BMP5: variants seen among roughly 807,000 people sequenced by gnomAD.
BMP5 encodes bone morphogenetic protein 5.
BMP5 carries 23 observed loss-of-function variants against 46.6 expected under a neutral mutation model. That is an observed-to-expected ratio of 0.49 (90% CI 0.35 to 0.70). The LOEUF (loss-of-function observed/expected upper bound fraction) is 0.70. Ranked by LOEUF, BMP5 falls within the 30% of genes least tolerant of loss-of-function variation. The pLI, the probability that BMP5 is intolerant of heterozygous loss-of-function variation, is 0.00. For missense variants in BMP5, 545 were observed against 565.6 expected, an observed-to-expected ratio of 0.96 and a Z score of 0.37; for synonymous variants, 204 against 191.9, an observed-to-expected ratio of 1.06 and a Z score of -0.52.
intron 2 of BMP5, among the ~76,000 whole-genome samples, chr6:55,812,951 A>G (rs1263558991): frequency 6.6e-6 from 1 of 152,196 alleles, no homozygotes; most frequent in Non-Finnish European, 1.5e-5. Context: ...TGTGGTAACT[A>G]TTTTCCAAAA....
chr6:55,847,059 A>T (rs914114336), intron 1 of BMP5, among the ~76,000 whole-genome samples: 1 of 151,796 alleles, frequency 6.6e-6, no homozygotes, highest in Non-Finnish European at 1.5e-5. Context: ...CAAACATTGT[A>T]TACCCTCTAT....
At chr6:55,788,369 TATCA>T (rs1204176902) in intron 3 of BMP5, among the ~76,000 whole-genome samples, 7 of 151,844 alleles carry the variant, frequency 4.6e-5, no homozygotes, top group Non-Finnish European at 7.4e-5. Context: ...GTAATTATTT[TATCA>T]ATCAATGTTA....
chr6:55,819,870 G>A (rs746627118), intron 1 of BMP5, 23 bp from the exon 2 acceptor site: 1 of 1,597,142 alleles, frequency 6.3e-7, no homozygotes, highest in Non-Finnish European at 8.6e-7. Flanking sequence ...AGGGGGTTGA[G>A]GGGGAAAAAA....
In BMP5 at chr6:55,755,649, G is replaced by A; in HGVS notation, c.1249C>T (p.Pro417Ser). ...HLMFPDHVPK[P>S]CCAPTKLNAI... ...TTTAATTTGGTTGGAGCACAACAAG[G>A]CTTTGGTACGTGGTCAGGAAACATC... Residue 417 changes from proline (P) to serine (S), a missense_variant, in exon 7 of 7, where the codon CCT (proline) becomes TCT (serine). Coordinates refer to ENST00000370830, the MANE Select transcript of BMP5 (RefSeq NM_021073.4). 6.2e-7 allele frequency: 1 copy of A among 1,612,382 alleles called. No homozygotes were observed. Among genetic ancestry groups the A allele is most frequent in the Non-Finnish European group, 8.5e-7 (1 of 1,178,868 alleles).
chr6:55,849,365 A>G (rs957064311), intron 1 of BMP5, among the ~76,000 whole-genome samples: 4 of 152,112 alleles, frequency 2.6e-5, no homozygotes, highest in African/African-American at 9.7e-5. Context: ...ACATGTGCAC[A>G]CATATACCAG....
intron 1 of BMP5, among the ~76,000 whole-genome samples, chr6:55,843,725 C>G (rs1777023836): frequency 6.6e-6 from 1 of 151,990 alleles, no homozygotes; most frequent in Non-Finnish European, 1.5e-5. Context: ...CAATCTTTAA[C>G]CCAAAGTATT....
intron 2 of BMP5, among the ~76,000 whole-genome samples, chr6:55,804,644 A>G (rs1308746380): frequency 6.6e-6 from 1 of 152,208 alleles, no homozygotes; most frequent in African/African-American, 2.4e-5. Context: ...TCTGGTAAAG[A>G]GGAGGCTGAT....
chr6:55,755,747 A>T, intron 6 of BMP5, 65 bp from the exon 7 acceptor site: 1 of 1,469,994 alleles, frequency 6.8e-7, no homozygotes, highest in South Asian at 1.2e-5. Context: ...CAGTTTTAAA[A>T]TGGTATGATT....
intron 4 of BMP5, among the ~76,000 whole-genome samples, chr6:55,767,426 A>C (rs544989927): frequency 1.3e-5 from 2 of 152,156 alleles, no homozygotes; most frequent in South Asian, 2.1e-4. Flanking sequence ...GAACTCTTGT[A>C]ATCCTGCTCT....
At chr6:55,800,056 A>T (rs1323108521) in intron 2 of BMP5, among the ~76,000 whole-genome samples, 2 of 152,210 alleles carry the variant, frequency 1.3e-5, no homozygotes, top group Non-Finnish European at 2.9e-5. Flanking sequence ...GTATACACAC[A>T]CACACAACCT....
At chr6:55,793,731 G>A (rs1775630008) in intron 3 of BMP5, among the ~76,000 whole-genome samples, 1 of 152,016 alleles carries the variant, frequency 6.6e-6, no homozygotes, top group South Asian at 2.1e-4. Context: ...GAACTAACTT[G>A]GTATTATTTT....
chr6:55,793,278 C>T (rs908772431), intron 3 of BMP5, among the ~76,000 whole-genome samples: 3 of 152,156 alleles, frequency 2.0e-5, no homozygotes, highest in African/African-American at 7.2e-5. Context: ...TGCCTGCCCC[C>T]CAACTTCTTC....
chr6:55,837,362 GATAGATA>G (rs1776834904), intron 1 of BMP5, among the ~76,000 whole-genome samples: 3 of 150,764 alleles, frequency 2.0e-5, no homozygotes, highest in African/African-American at 7.4e-5. Flanking sequence ...TAGATAGATA[GATAGATA>G]GATAGATAGA....
At chr6:55,846,628 T>C (rs1297220519) in intron 1 of BMP5, among the ~76,000 whole-genome samples, 2 of 151,920 alleles carry the variant, frequency 1.3e-5, no homozygotes, top group African/African-American at 2.4e-5. Flanking sequence ...CCCAGTTTCT[T>C]ATTTATCCAG....
intron 1 of BMP5, among the ~76,000 whole-genome samples, chr6:55,868,283 G>T (rs1207472972): frequency 6.6e-6 from 1 of 152,076 alleles, no homozygotes; most frequent in Non-Finnish European, 1.5e-5. Context: ...AACAATAAAA[G>T]TTGCTAATTT....
At chr6:55,784,000 T>A (rs889459524) in intron 3 of BMP5, among the ~76,000 whole-genome samples, 1 of 151,980 alleles carries the variant, frequency 6.6e-6, no homozygotes, top group Non-Finnish European at 1.5e-5. Flanking sequence ...TAAAACCTTT[T>A]TTCATATATG....
At chr6:55,783,689 A>T (rs575647097) in intron 3 of BMP5, among the ~76,000 whole-genome samples, 3 of 152,014 alleles carry the variant, frequency 2.0e-5, no homozygotes, top group Non-Finnish European at 4.4e-5. Flanking sequence ...CTAAATTGAT[A>T]TTACCATGAA....
At chr6:55,796,697 G>A (rs572339012) in intron 2 of BMP5, among the ~76,000 whole-genome samples, 15 of 128,830 alleles carry the variant, frequency 1.2e-4, no homozygotes, top group Admixed American at 1.0e-4. Flanking sequence ...TCCCCTTCCT[G>A]TGCCCATATG....
intron 4 of BMP5, among the ~76,000 whole-genome samples, chr6:55,768,059 CTTTA>C (rs1774958274): frequency 1.3e-5 from 2 of 151,668 alleles, no homozygotes; most frequent in Admixed American, 1.3e-4. Flanking sequence ...AGAACTTTAG[CTTTA>C]TTTATGATTT....
Sources: allele counts gnomAD v4.1 joint callset (sites outside exome capture counted in the v4.1 genomes callset), GRCh38; gene constraint gnomAD v4.1.1; transcripts MANE v1.5; gene names NCBI Gene and HGNC (gene_info 2026-07-23, HGNC 2026-07-21).